GPR61: variants seen among roughly 807,000 people sequenced by gnomAD.
GPR61 encodes G protein-coupled receptor 61.
A neutral mutation model predicts 29.2 loss-of-function variants in GPR61; 15 were observed. The ratio of observed to expected loss-of-function variants is 0.51; its 90% CI spans 0.34 to 0.79. GPR61 has a LOEUF of 0.79. Ranked by LOEUF, GPR61 falls within the 30% of genes least tolerant of loss-of-function variation. The pLI is 0.01. For missense variants in GPR61, 399 were observed against 582.5 expected, an observed-to-expected ratio of 0.69 and a Z score of 3.24; for synonymous variants, 238 against 242.3, an observed-to-expected ratio of 0.98 and a Z score of 0.17.
rs1647782672 is a variant in GPR61 at position 109,545,852 on chromosome 1, T to A, written c.*1474T>A. Reference sequence around the variant, plus strand: ...TAAAAGGTTATACTGATAACAACATTGACTCCTTTAGTTCAATTCAGTGCA... The same window carrying A: ...TAAAAGGTTATACTGATAACAACATAGACTCCTTTAGTTCAATTCAGTGCA... On this transcript the variant is annotated 3_prime_UTR_variant, in exon 2 of 2. Transcript: ENST00000527748. 6.6e-6 allele frequency: 1 copy of A among 152,188 alleles called. No individual in the cohort carries two copies. Among genetic ancestry groups the A allele is most frequent in the Non-Finnish European group, 1.5e-5 (1 of 68,040 alleles). 9.4% of individuals were successfully genotyped at this position (152,188 alleles called of 1,614,324 possible).
chr1:109,541,056 A>T (rs1647629630), intron 1 of GPR61, among the ~76,000 whole-genome samples: 1 of 152,200 alleles, frequency 6.6e-6, no homozygotes. Flanking sequence ...GGGATAGGTA[A>T]ATCAGAGCAT....
At position 109,544,585 on chromosome 1, in the gene GPR61, T is replaced by C. The variant is rs145498935; in HGVS notation, c.*207T>C. The C allele has an allele frequency of 8.1e-3, 4,495 of 552,102 alleles. 27 individuals are homozygous for C. The highest frequency in any genetic ancestry group is 0.018 in the Middle Eastern group (36 of 2,056). 34.2% of individuals were successfully genotyped at this position (552,102 alleles called of 1,614,324 possible). A position where few individuals can be genotyped will look rare whatever the true frequency, so the allele number is the denominator to read the frequency against. On this transcript the variant is annotated 3_prime_UTR_variant, in exon 2 of 2. Coordinates refer to ENST00000527748, the MANE Select transcript of GPR61 (RefSeq NM_001393907.1). The surrounding 1 kb of genome is among the most constrained non-coding windows in gnomAD (Gnocchi z 4.6). ...GGACTTGGCTGTGATCTTTGACTGC[T>C]AGGGGAGGGAACCTGGGTATGGTGA...
At chr1:109,540,605 G>A (rs12757618) in intron 1 of GPR61, among the ~76,000 whole-genome samples, 4 of 151,436 alleles carry the variant, frequency 2.6e-5, no homozygotes, top group African/African-American at 9.8e-5. Context: ...GAAGTAAGTA[G>A]TGGGGGAAGG....
Position 109,546,890 on chromosome 1 carries a change from G to C in GPR61, c.*2512G>C, listed in dbSNP as rs1377958567. On this transcript the variant is annotated 3_prime_UTR_variant, in exon 2 of 2. Transcript: ENST00000527748. ...TGAAAGCTGTTCCTGGACAAAATCT[G>C]AGCTAACTCACTGAAGAATCAACAG... The C allele has an allele frequency of 1.3e-5, 2 of 152,160 alleles. No individual in the cohort carries two copies. The highest frequency in any genetic ancestry group is 4.8e-5 in the African/African-American group (2 of 41,402). 9.4% of individuals were successfully genotyped at this position (152,160 alleles called of 1,614,324 possible).
In GPR61 at chr1:109,545,245, G is replaced by C. The variant is rs1647765258; in HGVS notation, c.*867G>C. 1 of 152,224 alleles carries C rather than the reference G, an allele frequency of 6.6e-6. No individual in the cohort carries two copies. Among genetic ancestry groups the C allele is most frequent in the African/African-American group, 2.4e-5 (1 of 41,424 alleles). The allele number at this position is 152,224 out of a possible 1,614,324, so 9.4% of individuals were successfully genotyped here. A position where few individuals can be genotyped will look rare whatever the true frequency, so the allele number is the denominator to read the frequency against. On this transcript the variant is annotated 3_prime_UTR_variant, in exon 2 of 2. Coordinates refer to ENST00000527748, the MANE Select transcript of GPR61 (RefSeq NM_001393907.1). ...GGAGGTTAGCATTTGAATTGGTAAA[G>C]TAGCTGGAAACAGAGAGGCCAGGTA...
chr1:109,541,687 C>A (rs1323631764), intron 1 of GPR61, among the ~76,000 whole-genome samples: 1 of 152,200 alleles, frequency 6.6e-6, no homozygotes, highest in African/African-American at 2.4e-5. Context: ...CAAGGGTCAG[C>A]TCCAGAGATC....
In GPR61 at chr1:109,542,947, C is replaced by A; in HGVS notation, c.-76C>A. On this transcript the variant is annotated 5_prime_UTR_variant, in exon 2 of 2. Transcript: ENST00000527748. The stretch of plus-strand genomic sequence containing the variant: ...ACCAGGAAGCCTGGGCCTGGGCTCG[C>A]CATCCCAGGGTCGCTGGACTAGGAT... The A allele has an allele frequency of 6.5e-7, 1 of 1,547,874 alleles. No individual in the cohort carries two copies. Among genetic ancestry groups the A allele is most frequent in the Non-Finnish European group, 8.7e-7 (1 of 1,143,404 alleles).
At position 109,539,993 on chromosome 1, in the gene GPR61, C is replaced by G. The variant is rs1169809157; in HGVS notation, c.-602+40C>G. The G allele has an allele frequency of 3.9e-4, 59 of 152,446 alleles. 2 individuals carry two copies. The highest frequency in any genetic ancestry group is 3.9e-3 in the Admixed American group (59 of 15,288). 9.4% of individuals were successfully genotyped at this position (152,446 alleles called of 1,614,324 possible). The stretch of plus-strand genomic sequence containing the variant: ...CTAGGCCAGGAATGGGGGCCAGACC[C>G]AGAGCCTGGTGGTGAGTGCCAAGGT... On this transcript the variant is annotated intron_variant, in intron 1 of 1. Coordinates refer to ENST00000527748, the MANE Select transcript of GPR61 (RefSeq NM_001393907.1).
intron 1 of GPR61, among the ~76,000 whole-genome samples, chr1:109,540,999 G>A (rs1279335226): frequency 6.6e-6 from 1 of 152,184 alleles, no homozygotes; most frequent in Non-Finnish European, 1.5e-5. Context: ...TCAGCCACCA[G>A]GGAGGGACTC....
In GPR61 at chr1:109,544,956, G is replaced by A. The variant is rs1046002633; in HGVS notation, c.*578G>A. On this transcript the variant is annotated 3_prime_UTR_variant, in exon 2 of 2. Coordinates refer to ENST00000527748, the MANE Select transcript of GPR61 (RefSeq NM_001393907.1). This position sits in a 1 kb window ranked among gnomAD's most constrained non-coding sequence, Gnocchi z 4.6. ...TTTCCTTAAAATGAGAGGACCAGTA[G>A]GGTGTATTCCTTTACTGAGTTTGGC... 6 of 152,660 alleles carry A rather than the reference G, an allele frequency of 3.9e-5. No homozygotes were observed. Among genetic ancestry groups the A allele is most frequent in the Admixed American group, 2.0e-4 (3 of 15,340 alleles). 9.5% of individuals were successfully genotyped at this position (152,660 alleles called of 1,614,324 possible). A position where few individuals can be genotyped will look rare whatever the true frequency, so the allele number is the denominator to read the frequency against.
chr1:109,544,150 C>A lies in GPR61; in HGVS notation c.1128C>A (p.Ser376=), dbSNP rs1481066162. The stretch of plus-strand genomic sequence containing the variant: ...TGAGGCTGCCTAGCCGGGAGGGCTC[C>A]ATTGAGGAGAACTTCCTGCAGTTCC... ...EELRLPSREG[S]IEENFLQFLQ... The change falls in exon 2 of 2, where the codon TCC becomes TCA. Residue 376 remains serine (S), a synonymous_variant. Coordinates refer to ENST00000527748, the MANE Select transcript of GPR61 (RefSeq NM_001393907.1). The surrounding 1 kb of genome is among the most constrained non-coding windows in gnomAD (Gnocchi z 4.6). The A allele has an allele frequency of 4.3e-6, 7 of 1,614,004 alleles. No individual in the cohort carries two copies. The East Asian group carries it at 1.6e-4, about 36-fold the overall frequency.
At position 109,544,336 on chromosome 1, in the gene GPR61, C is replaced by T. The variant is rs1428628926; in HGVS notation, c.1314C>T (p.Asp438=). ...QQLTSDIIMS[D]SYLRPAASPR... ...TCACCAGCGACATCATCATGTCAGA[C>T]AGCTACCTCCGTCCTGCCGCCTCAC... The change falls in exon 2 of 2, where the codon GAC becomes GAT. Residue 438 remains aspartate, a synonymous_variant. Transcript: ENST00000527748. This position sits in a 1 kb window ranked among gnomAD's most constrained non-coding sequence, Gnocchi z 4.6. The T allele has an allele frequency of 3.7e-6, 6 of 1,613,474 alleles. No individual in the cohort carries two copies. The highest frequency in any genetic ancestry group is 1.7e-5 in the Admixed American group (1 of 59,998).
At chr1:109,541,275 T>C (rs545967328) in intron 1 of GPR61, among the ~76,000 whole-genome samples, 3 of 152,314 alleles carry the variant, frequency 2.0e-5, no homozygotes, top group African/African-American at 7.2e-5. Flanking sequence ...AAGTTAGGGC[T>C]TCCTCAAGTC....
Position 109,544,122 on chromosome 1 carries a change from A to G in GPR61, c.1100A>G (p.Glu367Gly), listed in dbSNP as rs1443730469. Reference protein sequence around the residue: ...VCFFKPAPEEELRLPSREGSI... With the variant: ...VCFFKPAPEEGLRLPSREGSI... ...TTCTTCAAGCCAGCTCCAGAGGAGG[A>G]GCTGAGGCTGCCTAGCCGGGAGGGC... The change falls in exon 2 of 2, where the codon GAG (glutamate) becomes GGG (glycine). Residue 367 changes from glutamate (E) to glycine (G), a missense_variant. Transcript: ENST00000527748. The surrounding 1 kb of genome is among the most constrained non-coding windows in gnomAD (Gnocchi z 4.6). The G allele has an allele frequency of 6.2e-7, 1 of 1,613,986 alleles. No individual in the cohort carries two copies. Among genetic ancestry groups the G allele is most frequent in the African/African-American group, 1.3e-5 (1 of 74,916 alleles).
In GPR61 at chr1:109,543,265, C is replaced by T. The variant is rs536377195; in HGVS notation, c.243C>T (p.His81=). The change falls in exon 2 of 2, where the codon CAC becomes CAT. Residue 81 remains histidine (H), a synonymous_variant. Coordinates refer to ENST00000527748, the MANE Select transcript of GPR61 (RefSeq NM_001393907.1). This position sits in a 1 kb window ranked among gnomAD's most constrained non-coding sequence, Gnocchi z 6.8. ...PALRKFVFVF[H]LCLVDLLAAL... is the part of the protein sequence containing the mutation. ...TCCGAAAATTTGTCTTCGTCTTCCA[C>T]CTCTGCCTGGTGGACCTGCTGGCTG... 6.2e-7 allele frequency: 1 copy of T among 1,614,206 alleles called. No homozygotes were observed. Among genetic ancestry groups the T allele is most frequent in the Admixed American group, 1.7e-5 (1 of 60,024 alleles).
rs1199911604 is a variant in GPR61, at chr1:109,544,274, A to G, written c.1252A>G (p.Ile418Val). 2 of 1,613,982 alleles carry G rather than the reference A, an allele frequency of 1.2e-6. No individual in the cohort carries two copies. Among genetic ancestry groups the G allele is most frequent in the South Asian group, 2.2e-5 (2 of 91,088 alleles). The stretch of plus-strand genomic sequence containing the variant: ...TGTTGACTTTCGAATCCCAGGCCAG[A>G]TAGCTGAGGAGACCTCTGAGTTCCT... ...PAVDFRIPGQIAEETSEFLEQ... is the reference protein window; with the variant it reads ...PAVDFRIPGQVAEETSEFLEQ... The change falls in exon 2 of 2, where the codon ATA becomes GTA. Residue 418 changes from isoleucine (I) to valine (V), a missense_variant. Physicochemically the swap from Ile to Val is conservative, Grantham distance 29. Transcript: ENST00000527748. This position sits in a 1 kb window ranked among gnomAD's most constrained non-coding sequence, Gnocchi z 4.6.
In GPR61 at chr1:109,543,893, G is replaced by T. The variant is rs1330451681; in HGVS notation, c.871G>T (p.Ala291Ser). 2 of 1,613,548 alleles carry T rather than the reference G, an allele frequency of 1.2e-6. No homozygotes were observed. Among genetic ancestry groups the T allele is most frequent in the African/African-American group, 2.7e-5 (2 of 74,940 alleles). The change falls in exon 2 of 2, where the codon GCT becomes TCT. Residue 291 changes from alanine (A) to serine (S), a missense_variant. Ala to Ser is a moderately conservative substitution (Grantham distance 99). Transcript: ENST00000527748. The surrounding 1 kb of genome is among the most constrained non-coding windows in gnomAD (Gnocchi z 6.8). ...AGGGAAAGCAGCAGTGGTTCTCCTG[G>T]CTGTGGGGGGACAGTTCCTGCTCTG... ...GGGKAAVVLLAVGGQFLLCWL... is the reference protein window; with the variant it reads ...GGGKAAVVLLSVGGQFLLCWL...
In GPR61 at chr1:109,543,018, G is replaced by A. The variant is rs1391594950; in HGVS notation, c.-5G>A. The A allele has an allele frequency of 6.5e-7, 1 of 1,544,170 alleles. No homozygotes were observed. The highest frequency in any genetic ancestry group is 1.2e-5 in the South Asian group (1 of 80,186). On this transcript the variant is annotated 5_prime_UTR_variant, in exon 2 of 2. Transcript: ENST00000527748. This position sits in a 1 kb window ranked among gnomAD's most constrained non-coding sequence, Gnocchi z 6.8. ...GAGGTACCCTGGGTGCCCTCTTTCG[G>A]CCCCATGGAGTCCTCACCCATCCCC... is the stretch of plus-strand genomic sequence containing the variant.
chr1:109,542,506 CCTT>C lies in GPR61; in HGVS notation c.-514_-512del. Reference sequence around the variant, plus strand: ...GGGACTAGAAACTAAATTTTGTGCTCCTTCTACTCCCCAGCAGCTCTTGCCATT... The same window carrying C: ...GGGACTAGAAACTAAATTTTGTGCTCCTACTCCCCAGCAGCTCTTGCCATT... On this transcript the variant is annotated 5_prime_UTR_variant, in exon 2 of 2. Transcript: ENST00000527748. The C allele has an allele frequency of 3.0e-6, 1 of 333,300 alleles. No individual in the cohort carries two copies. The highest frequency in any genetic ancestry group is 9.4e-4 in the Middle Eastern group (1 of 1,068). 20.6% of individuals were successfully genotyped at this position (333,300 alleles called of 1,614,324 possible).
Sources: allele counts gnomAD v4.1 joint callset (sites outside exome capture counted in the v4.1 genomes callset), GRCh38; gene constraint gnomAD v4.1.1; non-coding constraint Gnocchi (gnomAD v3.1); transcripts MANE v1.5; gene names NCBI Gene and HGNC (gene_info 2026-07-23, HGNC 2026-07-21).